The following FHIT variants were observed in gnomAD, a reference collection of about 807,000 sequenced individuals.
FHIT encodes the protein bis(5'-adenosyl)-triphosphatase.
FHIT carries 19 observed loss-of-function variants against 17.9 expected under a neutral mutation model. That is an observed-to-expected ratio of 1.06 (90% CI 0.74 to 1.56). The LOEUF is 1.56. FHIT is among the 40% of genes most tolerant of loss of function. FHIT has a pLI of 0.00. For synonymous variants in FHIT, 81 were observed against 69.7 expected, an observed-to-expected ratio of 1.16 and a Z score of -0.81; for missense variants, 248 against 189.2, an observed-to-expected ratio of 1.31 and a Z score of -1.82.
chr3:60,070,895 G>A (rs1186588566), intron 5 of FHIT, among the ~76,000 whole-genome samples: 1 of 152,190 alleles, frequency 6.6e-6, no homozygotes, highest in African/African-American at 2.4e-5. Flanking sequence ...TTGAGTGCTG[G>A]CGCCTAGGCA....
rs183929982 is a variant in FHIT, at chr3:60,048,449, T to A, written c.104-34297A>T. ...CCTCGGCCTCCCAGAGTGCTGGGAT[T>A]ACAGGCGTGAGTCTCTACGACCGGC... On this transcript the variant is annotated intron_variant, in intron 5 of 9. Coordinates refer to ENST00000492590, the MANE Select transcript of FHIT (RefSeq NM_002012.4). 2.0e-5 allele frequency among the ~76,000 whole-genome samples: 3 copies of A among 152,306 alleles called. No individual in the cohort carries two copies. The South Asian group carries it at 6.2e-4, about 32-fold the overall frequency.
chr3:60,917,299 T>A (rs561104176), intron 3 of FHIT, among the ~76,000 whole-genome samples: 1 of 152,344 alleles, frequency 6.6e-6, no homozygotes, highest in South Asian at 2.1e-4. Flanking sequence ...GTGCTAAGAT[T>A]ACCAGGCTCC....
chr3:60,894,493 G>A (rs554300886), intron 3 of FHIT, among the ~76,000 whole-genome samples: 91 of 152,210 alleles, frequency 6.0e-4, no homozygotes, highest in African/African-American at 2.0e-3. Flanking sequence ...TTAGTCAAGA[G>A]ATGATGTGAG....
chr3:60,381,909 C>T (rs1256041757), intron 5 of FHIT, among the ~76,000 whole-genome samples: 1 of 152,078 alleles, frequency 6.6e-6, no homozygotes, highest in Non-Finnish European at 1.5e-5. Context: ...GTCTCAAAGG[C>T]CTAGTGCTGT....
chr3:59,784,843 C>A (rs956138767), intron 8 of FHIT, among the ~76,000 whole-genome samples: 2 of 152,066 alleles, frequency 1.3e-5, no homozygotes, highest in African/African-American at 4.8e-5. Context: ...TTTACAGTTA[C>A]CTTTTGTATT....
At chr3:60,488,039 T>A (rs568511179) in intron 5 of FHIT, among the ~76,000 whole-genome samples, 11 of 152,186 alleles carry the variant, frequency 7.2e-5, no homozygotes, top group Non-Finnish European at 1.3e-4. Flanking sequence ...CAAATGCAGA[T>A]GTTCTATGAA....
intron 3 of FHIT, among the ~76,000 whole-genome samples, chr3:61,036,840 C>G (rs1302916604): frequency 6.6e-6 from 1 of 151,572 alleles, no homozygotes; most frequent in East Asian, 1.9e-4. Context: ...TCTGGGCTTT[C>G]TCACTGACTT....
At chr3:60,440,562 T>G (rs927701097) in intron 5 of FHIT, among the ~76,000 whole-genome samples, 4 of 152,130 alleles carry the variant, frequency 2.6e-5, no homozygotes. Flanking sequence ...ACTATTGATA[T>G]CTTACCATGA....
intron 4 of FHIT, among the ~76,000 whole-genome samples, chr3:60,665,854 T>C (rs1553692336): frequency 1.3e-5 from 2 of 152,154 alleles, no homozygotes; most frequent in Non-Finnish European, 2.9e-5. Context: ...ATTCCTCTGT[T>C]TCTCTTTTCT....
intron 7 of FHIT, among the ~76,000 whole-genome samples, chr3:59,969,465 G>A (rs983226991): frequency 3.3e-5 from 5 of 152,082 alleles, no homozygotes; most frequent in East Asian, 1.9e-4. Flanking sequence ...TAATCCTAAC[G>A]CTTGAATTTC....
intron 3 of FHIT, among the ~76,000 whole-genome samples, chr3:60,954,047 CA>C (rs1176054266): frequency 6.6e-6 from 1 of 152,178 alleles, no homozygotes; most frequent in Non-Finnish European, 1.5e-5. Flanking sequence ...TCTGCTCCTG[CA>C]GAGTCCAGTA....
intron 2 of FHIT, among the ~76,000 whole-genome samples, chr3:61,146,549 T>G (rs530868052): frequency 6.6e-6 from 1 of 152,228 alleles, no homozygotes; most frequent in East Asian, 1.9e-4. Context: ...AATTCTGTTA[T>G]ACAGGCAACA....
intron 5 of FHIT, among the ~76,000 whole-genome samples, chr3:60,043,006 G>C (rs938218756): frequency 6.6e-6 from 1 of 152,152 alleles, no homozygotes; most frequent in African/African-American, 2.4e-5. Flanking sequence ...AAAAAACATG[G>C]AGCCTCTATG....
chr3:61,106,555 A>C (rs1432127724), intron 2 of FHIT, among the ~76,000 whole-genome samples: 3 of 152,202 alleles, frequency 2.0e-5, no homozygotes, highest in Non-Finnish European at 4.4e-5. Flanking sequence ...TAGACAAATA[A>C]AAATTGTATA....
intron 8 of FHIT, among the ~76,000 whole-genome samples, chr3:59,753,675 G>T (rs911638787): frequency 2.0e-5 from 3 of 152,172 alleles, no homozygotes; most frequent in Non-Finnish European, 4.4e-5. Context: ...TTTATGATGT[G>T]AAAGGCGCAC....
At chr3:60,494,819 G>C (rs988630245) in intron 5 of FHIT, among the ~76,000 whole-genome samples, 1 of 152,012 alleles carries the variant, frequency 6.6e-6, no homozygotes, top group Non-Finnish European at 1.5e-5. Flanking sequence ...ATTCTTTTTT[G>C]TGGATAAATA....
chr3:60,213,316 G>A (rs75780865), intron 5 of FHIT, among the ~76,000 whole-genome samples: 2,101 of 152,176 alleles, frequency 0.014, 55 homozygotes, highest in African/African-American at 0.048. Flanking sequence ...TCCATGAGCA[G>A]ACTCTGAAAT....
At chr3:60,568,070 C>T (rs891121323) in intron 4 of FHIT, among the ~76,000 whole-genome samples, 1 of 152,144 alleles carries the variant, frequency 6.6e-6, no homozygotes, top group African/African-American at 2.4e-5. Flanking sequence ...GGATCTTGAA[C>T]TAGAAATGCC....
chr3:60,039,640 TTATAA>T (rs1284994005), intron 5 of FHIT, among the ~76,000 whole-genome samples: 1 of 152,230 alleles, frequency 6.6e-6, no homozygotes, highest in East Asian at 1.9e-4. Flanking sequence ...TTCTATACTG[TTATAA>T]TAGAAATAAT....
Sources: gnomAD v4.1 joint callset for allele counts (sites outside exome capture counted in the v4.1 genomes callset) on GRCh38, gnomAD v4.1.1 for gene constraint, MANE v1.5 for transcripts, NCBI Gene and HGNC (gene_info 2026-07-23, HGNC 2026-07-21) for gene names.